ZCCHC7: variants seen among roughly 807,000 people sequenced by gnomAD.
ZCCHC7 encodes zinc finger CCHC-type containing 7, also known as zinc finger CCHC domain-containing protein 7.
Under a neutral mutation model 52.0 loss-of-function variants are expected in ZCCHC7, and 35 were observed. That is an observed-to-expected ratio of 0.67 (90% CI 0.51 to 0.89). ZCCHC7 has a LOEUF of 0.89. Ranked by LOEUF, ZCCHC7 falls within the 40% of genes least tolerant of loss-of-function variation. The probability of loss-of-function intolerance (pLI) is 0.00; values close to 1 mark genes in which losing one functional copy is unlikely to be tolerated. For missense variants in ZCCHC7, 574 were observed against 649.1 expected (o/e 0.88, Z 1.26); for synonymous variants, 217 against 221.5 (o/e 0.98, Z 0.18).
chr9:37,318,656 T>A (rs1000659841), intron 5 of ZCCHC7, among the ~76,000 whole-genome samples: 6 of 152,066 alleles, frequency 3.9e-5, no homozygotes, highest in Admixed American at 2.6e-4. Flanking sequence ...CTCACACCTG[T>A]AATCCCAGCA....
intron 2 of ZCCHC7, among the ~76,000 whole-genome samples, chr9:37,133,477 G>A (rs1842876868): frequency 1.3e-5 from 2 of 151,732 alleles, no homozygotes; most frequent in African/African-American, 4.8e-5. Flanking sequence ...CTGGGTTCAA[G>A]CAGTTCTTCC....
intron 2 of ZCCHC7, among the ~76,000 whole-genome samples, chr9:37,177,857 C>T (rs935927596): frequency 6.6e-6 from 1 of 152,184 alleles, no homozygotes; most frequent in African/African-American, 2.4e-5. Context: ...GTCAGAGATA[C>T]TGTCACAGCC....
intron 2 of ZCCHC7, among the ~76,000 whole-genome samples, chr9:37,197,557 C>A (rs1823353752): frequency 6.6e-6 from 1 of 152,146 alleles, no homozygotes; most frequent in African/African-American, 2.4e-5. Context: ...ATGCCAGTCT[C>A]AGTGTTATGA....
At chr9:37,291,033 G>A (rs550319048) in intron 2 of ZCCHC7, among the ~76,000 whole-genome samples, 2 of 152,308 alleles carry the variant, frequency 1.3e-5, no homozygotes, top group South Asian at 2.1e-4. Flanking sequence ...GCTGCCTAAA[G>A]TATTGCATTA....
intron 2 of ZCCHC7, among the ~76,000 whole-genome samples, chr9:37,283,139 G>T (rs745496876): frequency 1.3e-5 from 2 of 152,050 alleles, no homozygotes; most frequent in Non-Finnish European, 2.9e-5. Context: ...CTTGCAGTCA[G>T]TAGATAAGAA....
At chr9:37,125,466 T>C (rs1842503572) in intron 1 of ZCCHC7, among the ~76,000 whole-genome samples, 1 of 152,260 alleles carries the variant, frequency 6.6e-6, no homozygotes, top group African/African-American at 2.4e-5. Flanking sequence ...CAGGCATTTT[T>C]ATTTATTCTT....
chr9:37,310,163 A>T (rs889138029), intron 5 of ZCCHC7, among the ~76,000 whole-genome samples: 1 of 152,194 alleles, frequency 6.6e-6, no homozygotes, highest in African/African-American at 2.4e-5. Flanking sequence ...CCAGAGTTTT[A>T]TGAGGTGAAG....
At chr9:37,196,549 A>G (rs569336807) in intron 2 of ZCCHC7, among the ~76,000 whole-genome samples, 1 of 152,254 alleles carries the variant, frequency 6.6e-6, no homozygotes, top group African/African-American at 2.4e-5. Flanking sequence ...CCTATTCTTT[A>G]TAGAGATTAT....
At chr9:37,208,272 A>T (rs1462441216) in intron 2 of ZCCHC7, among the ~76,000 whole-genome samples, 1 of 152,118 alleles carries the variant, frequency 6.6e-6, no homozygotes, top group Non-Finnish European at 1.5e-5. Context: ...TTTAGTACAG[A>T]TGGGGTTTCA....
intron 2 of ZCCHC7, among the ~76,000 whole-genome samples, chr9:37,161,176 C>T (rs1365855886): frequency 6.6e-6 from 1 of 151,980 alleles, no homozygotes; most frequent in South Asian, 2.1e-4. Context: ...TCTTGAACTC[C>T]TGACCTCAAG....
At chr9:37,316,966 A>G (rs1829851720) in intron 5 of ZCCHC7, among the ~76,000 whole-genome samples, 1 of 151,832 alleles carries the variant, frequency 6.6e-6, no homozygotes, top group South Asian at 2.1e-4. Flanking sequence ...AGATGTCTCC[A>G]AATGAAATGA....
chr9:37,236,637 G>T (rs958567683), intron 2 of ZCCHC7, among the ~76,000 whole-genome samples: 1 of 151,778 alleles, frequency 6.6e-6, no homozygotes, highest in Non-Finnish European at 1.5e-5. Flanking sequence ...CTCGTGATCC[G>T]CCCGTCTCAG....
At chr9:37,227,760 C>T (rs1224433600) in intron 2 of ZCCHC7, among the ~76,000 whole-genome samples, 1 of 152,148 alleles carries the variant, frequency 6.6e-6, no homozygotes, top group Non-Finnish European at 1.5e-5. Context: ...CTGATGCATT[C>T]CACAACATGG....
intron 2 of ZCCHC7, among the ~76,000 whole-genome samples, chr9:37,211,919 T>G (rs1449029434): frequency 6.6e-6 from 1 of 150,640 alleles, no homozygotes; most frequent in African/African-American, 2.4e-5. Context: ...TCCCAGCTAC[T>G]TGGGAGGCTG....
intron 2 of ZCCHC7, among the ~76,000 whole-genome samples, chr9:37,150,729 A>C (rs1477307802): frequency 6.6e-6 from 1 of 152,238 alleles, no homozygotes; most frequent in South Asian, 2.1e-4. Context: ...AATAACAAAC[A>C]CTATAAAGCT....
chr9:37,256,536 A>G (rs1826594585), intron 2 of ZCCHC7, among the ~76,000 whole-genome samples: 2 of 152,162 alleles, frequency 1.3e-5, no homozygotes, highest in Admixed American at 1.3e-4. Context: ...TAGTTTTTTT[A>G]AAAAGCTAGT....
intron 5 of ZCCHC7, among the ~76,000 whole-genome samples, chr9:37,306,526 C>CGTGAT (rs1356343633): frequency 6.6e-6 from 1 of 150,676 alleles, no homozygotes; most frequent in East Asian, 2.0e-4. Flanking sequence ...AGTGCAGTGG[C>CGTGAT]GTGATCTCAG....
chr9:37,285,566 G>A (rs1282853150), intron 2 of ZCCHC7, among the ~76,000 whole-genome samples: 1 of 151,932 alleles, frequency 6.6e-6, no homozygotes, highest in Non-Finnish European at 1.5e-5. Flanking sequence ...CCTATAATAG[G>A]CTATATTGTT....
At chr9:37,266,994 G>C (rs1827135346) in intron 2 of ZCCHC7, among the ~76,000 whole-genome samples, 1 of 152,086 alleles carries the variant, frequency 6.6e-6, no homozygotes, top group African/African-American at 2.4e-5. Context: ...TGTATAAATG[G>C]TCAAAAAAAT....
Sources: gnomAD v4.1 joint callset for allele counts (sites outside exome capture counted in the v4.1 genomes callset) on GRCh38, gnomAD v4.1.1 for gene constraint, MANE v1.5 for transcripts, NCBI Gene and HGNC (gene_info 2026-07-23, HGNC 2026-07-21) for gene names.